The following CDKL5 variants were observed in gnomAD, a reference collection of about 807,000 sequenced individuals.
CDKL5 encodes the protein cyclin-dependent kinase-like 5.
Under a neutral mutation model 61.7 loss-of-function variants are expected in CDKL5, and 8 were observed. The ratio of observed to expected loss-of-function variants is 0.13; its 90% CI spans 0.08 to 0.23. The LOEUF is 0.23. Among genes scored for constraint, CDKL5 ranks in the 10% least tolerant of loss-of-function variants. The pLI, the probability that CDKL5 is intolerant of heterozygous loss-of-function variation, is 1.00. For synonymous variants in CDKL5, 275 were observed against 272.3 expected, an observed-to-expected ratio of 1.01 and a Z score of -0.10; for missense variants, 440 against 734.5, an observed-to-expected ratio of 0.60 and a Z score of 4.63.
chrX:18,446,779 T>C (rs1931890281), intron 1 of CDKL5, among the ~76,000 whole-genome samples: 1 of 111,928 alleles, frequency 8.9e-6, no homozygotes, highest in Admixed American at 9.5e-5. Flanking sequence ...CCACTAAATA[T>C]CACCACTCAT....
intron 3 of CDKL5, among the ~76,000 whole-genome samples, chrX:18,546,258 C>CTTTTTTT (rs935420091): frequency 1.1e-5 from 1 of 90,487 alleles, no homozygotes. Context: ...TCTACTTCTT[C>CTTTTTTT]TTTTTTTTTT....
intron 3 of CDKL5, among the ~76,000 whole-genome samples, chrX:18,553,386 A>G (rs1259753619): frequency 9.0e-6 from 1 of 111,046 alleles, no homozygotes; most frequent in African/African-American, 3.3e-5. Flanking sequence ...TTTATGTCTT[A>G]TTGGAAATAA....
At chrX:18,587,885 A>G (rs1305775425) in intron 8 of CDKL5, 69 bp from the exon 9 acceptor site, 3 of 1,025,726 alleles carry the variant, frequency 2.9e-6, no homozygotes, top group African/African-American at 3.7e-5. Context: ...TTTGTTCACA[A>G]TAATTTGGAA....
At chrX:18,600,414 G>A (rs980525222) in intron 11 of CDKL5, among the ~76,000 whole-genome samples, 12 of 111,823 alleles carry the variant, frequency 1.1e-4, no homozygotes, top group African/African-American at 3.9e-4. Context: ...AATTAGTCCT[G>A]TGTCTTCTTT....
intron 1 of CDKL5, among the ~76,000 whole-genome samples, chrX:18,503,420 G>A (rs920431753): frequency 7.1e-5 from 8 of 112,033 alleles, no homozygotes; most frequent in African/African-American, 9.7e-5. Context: ...GTGAGCTCAA[G>A]CAGTCTGCTT....
rs1177659271 is a variant in CDKL5, at chrX:18,636,545, T to C, written c.*7788T>C. The C allele has an allele frequency of 1.8e-5, 2 of 110,496 alleles. No individual in the cohort carries two copies. Among genetic ancestry groups the C allele is most frequent in the African/African-American group, 6.6e-5 (2 of 30,418 alleles). The allele number at this position is 110,496 out of a possible 1,213,427, so 9.1% of individuals were successfully genotyped here. A position where few individuals can be genotyped will look rare whatever the true frequency, so the allele number is the denominator to read the frequency against. Reference sequence around the variant, plus strand: ...TGTTCATTGTAAAGCCCATATACCCTTAAAAGTCACTGCACGTCCACGTAT... The same window carrying C: ...TGTTCATTGTAAAGCCCATATACCCCTAAAAGTCACTGCACGTCCACGTAT... On this transcript the variant is annotated 3_prime_UTR_variant, in exon 18 of 18. Coordinates refer to ENST00000623535, the MANE Select transcript of CDKL5 (RefSeq NM_001323289.2).
chrX:18,534,465 C>T (rs1923751470), intron 3 of CDKL5, among the ~76,000 whole-genome samples: 1 of 111,749 alleles, frequency 8.9e-6, no homozygotes, highest in Admixed American at 9.5e-5. Context: ...AATTGTCTTA[C>T]ATTTAATAAA....
At chrX:18,582,499 C>G (rs779807785) in intron 7 of CDKL5, among the ~76,000 whole-genome samples, 1 of 111,169 alleles carries the variant, frequency 9.0e-6, no homozygotes, top group East Asian at 2.8e-4. Flanking sequence ...ATGTAGATAA[C>G]TCTGTATTAA....
Position 18,509,236 on chromosome X carries a change from CACACACACA to C in CDKL5, c.65-1583_65-1575del, listed in dbSNP as rs1922730978. On this transcript the variant is annotated intron_variant, in intron 2 of 17. Transcript: ENST00000623535. ...ACACACACACACACACACACACACA[CACACACACA>C]CCCCTGTCAAGCAAACTCTGCATTC... Among the ~76,000 whole-genome samples, 4 of 107,594 alleles carry C rather than the reference CACACACACA, an allele frequency of 3.7e-5. No individual in the cohort carries two copies. The South Asian group carries it at 1.6e-3, about 44-fold the overall frequency. 93.4% of individuals were successfully genotyped at this position (107,594 alleles called of 115,157 possible). A position where few individuals can be genotyped will look rare whatever the true frequency, so the allele number is the denominator to read the frequency against.
intron 3 of CDKL5, among the ~76,000 whole-genome samples, chrX:18,518,314 T>C (rs895426310): frequency 9.4e-6 from 1 of 106,924 alleles, no homozygotes; most frequent in African/African-American, 3.4e-5. Context: ...AAAAATAAGA[T>C]GTAATTTTTA....
chrX:18,651,332 C>G (rs1005476966), intron 21 of CDKL5, among the ~76,000 whole-genome samples: 7 of 107,622 alleles, frequency 6.5e-5, no homozygotes, highest in African/African-American at 2.0e-4. Context: ...GAGAGAGAAA[C>G]TTGTCGACAG....
At chrX:18,501,113 T>G in intron 1 of CDKL5, among the ~76,000 whole-genome samples, 1 of 111,357 alleles carries the variant, frequency 9.0e-6, no homozygotes, top group Non-Finnish European at 1.9e-5. Context: ...AGTGCTAGGA[T>G]TACAGACGTG....
intron 1 of CDKL5, among the ~76,000 whole-genome samples, chrX:18,482,204 G>A (rs1921609688): frequency 9.0e-6 from 1 of 111,135 alleles, no homozygotes; most frequent in Admixed American, 9.6e-5. Context: ...GCTGAGGAGA[G>A]GGTCCAGGGT....
At chrX:18,503,529 G>A (rs1922463806) in intron 1 of CDKL5, among the ~76,000 whole-genome samples, 1 of 111,968 alleles carries the variant, frequency 8.9e-6, no homozygotes, top group African/African-American at 3.2e-5. Context: ...TCTTACAAAT[G>A]CTCTTTACAG....
At chrX:18,463,866 A>G in intron 1 of CDKL5, among the ~76,000 whole-genome samples, 1 of 112,047 alleles carries the variant, frequency 8.9e-6, no homozygotes, top group Middle Eastern at 4.6e-3. Context: ...GTCAATACCA[A>G]GTTCCAAAGT....
chrX:18,546,081 T>C (rs1289537470), intron 3 of CDKL5, among the ~76,000 whole-genome samples: 1 of 110,712 alleles, frequency 9.0e-6, no homozygotes, highest in African/African-American at 3.3e-5. Flanking sequence ...AAAGGCTTAT[T>C]ATGGTGGCAC....
rs150900695 is a variant in CDKL5 at position 18,653,445 on chromosome X, C to T, written c.2994C>T (p.Phe998=). The change falls in exon 22 of 22, where the codon TTC becomes TTT. Residue 998 remains phenylalanine, a synonymous_variant. Transcript: ENST00000379989. ...TGTGCTTTCCAGGGTTCTCTTTCTT[C>T]GTGAGACACGTTATGAGGGAAGCCC... The T allele has an allele frequency of 4.3e-4, 520 of 1,209,395 alleles. 3 individuals are homozygous for T. The African/African-American group carries it at 7.5e-3, about 17-fold the overall frequency.
At chrX:18,601,468 A>G (rs1475457232) in intron 11 of CDKL5, among the ~76,000 whole-genome samples, 1 of 112,858 alleles carries the variant, frequency 8.9e-6, no homozygotes, top group Non-Finnish European at 1.9e-5. Context: ...TTTAACACAG[A>G]TTCCTTACAG....
intron 4 of CDKL5, among the ~76,000 whole-genome samples, chrX:18,573,603 G>A (rs747946274): frequency 8.9e-6 from 1 of 112,362 alleles, no homozygotes; most frequent in Non-Finnish European, 1.9e-5. Flanking sequence ...TCTTTTCCCT[G>A]TAAGTACCCA....
Sources: allele counts gnomAD v4.1 joint callset (sites outside exome capture counted in the v4.1 genomes callset), GRCh38; gene constraint gnomAD v4.1.1; transcripts MANE v1.5; gene names NCBI Gene and HGNC (gene_info 2026-07-23, HGNC 2026-07-21).